The following METTL24 variants were observed in gnomAD, a reference collection of about 807,000 sequenced individuals.
METTL24 encodes probable methyltransferase-like protein 24.
A neutral mutation model predicts 32.7 loss-of-function variants in METTL24; 29 were observed. The observed-to-expected ratio is 0.89, with a 90% CI of 0.66 to 1.21. The LOEUF (loss-of-function observed/expected upper bound fraction) is 1.21, where lower values mean the gene tolerates loss of function less well. Among genes scored for constraint, METTL24 ranks in the 50% most tolerant of loss-of-function variants. The pLI is 0.00. For missense variants in METTL24, 439 were observed against 468.1 expected, an observed-to-expected ratio of 0.94 and a Z score of 0.57; for synonymous variants, 163 against 179.5, an observed-to-expected ratio of 0.91 and a Z score of 0.73.
chr6:110,322,879 G>A lies in METTL24; in HGVS notation c.319-7C>T, dbSNP rs1192656385. On this transcript the variant is annotated splice_region_variant and splice_polypyrimidine_tract_variant and intron_variant, in intron 1 of 4. Transcript: ENST00000338882. ...CTATATGCCACCGGGGACCCTGCAA[G>A]AGACAGAAAACATAGGTTGTGTGTA... is the stretch of plus-strand genomic sequence containing the variant. 6.2e-7 allele frequency: 1 copy of A among 1,601,726 alleles called. No homozygotes were observed. Among genetic ancestry groups the A allele is most frequent in the East Asian group, 2.3e-5 (1 of 44,420 alleles).
At position 110,315,405 on chromosome 6, in the gene METTL24, A is replaced by G. The variant is rs1464662415; in HGVS notation, c.494T>C (p.Leu165Pro). ...SPTHKPWSVC[L>P]DDRFNLAHQI... ...ATGAGCTAAATTGAACCTGTCGTCA[A>G]GACACACTGACCAGGGCTTGTGTGT... Residue 165 changes from leucine (L) to proline (P), a missense_variant, in exon 3 of 5, where the codon CTT becomes CCT. Leu to Pro is a moderately conservative substitution (Grantham distance 98). Coordinates refer to ENST00000338882, the MANE Select transcript of METTL24 (RefSeq NM_001123364.3). 1 of 1,614,102 alleles carries G rather than the reference A, an allele frequency of 6.2e-7. No individual in the cohort carries two copies. The highest frequency in any genetic ancestry group is 8.5e-7 in the Non-Finnish European group (1 of 1,180,036).
chr6:110,287,686 G>C (rs1431197012), intron 4 of METTL24, among the ~76,000 whole-genome samples: 3 of 152,200 alleles, frequency 2.0e-5, no homozygotes, highest in Non-Finnish European at 4.4e-5. Flanking sequence ...TGTGCCCAAA[G>C]ATAAGGTATT....
intron 1 of METTL24, among the ~76,000 whole-genome samples, chr6:110,340,062 T>C (rs550946072): frequency 6.6e-6 from 1 of 152,318 alleles, no homozygotes; most frequent in African/African-American, 2.4e-5. Context: ...AACAGGCACT[T>C]ATTTACAAAT....
At chr6:110,357,822 G>A (rs1172371605) in intron 1 of METTL24, 133 bp downstream of exon 1, 1 of 309,576 alleles carries the variant, frequency 3.2e-6, no homozygotes, top group Non-Finnish European at 5.3e-6. Flanking sequence ...AGAGAGCACA[G>A]GGGGAAGAGA....
chr6:110,255,892 T>C (rs1321977817), intron 4 of METTL24, among the ~76,000 whole-genome samples: 2 of 151,876 alleles, frequency 1.3e-5, no homozygotes, highest in Admixed American at 1.3e-4. Flanking sequence ...CAGAGCATGC[T>C]GGAGCCAGTA....
intron 4 of METTL24, among the ~76,000 whole-genome samples, chr6:110,281,747 A>G (rs1342500050): frequency 6.6e-6 from 1 of 150,994 alleles, no homozygotes; most frequent in Non-Finnish European, 1.5e-5. Context: ...TATCCAGTAT[A>G]TTCCTGAGCA....
chr6:110,295,794 A>AAAGGAAGGAAGGACGGAAGG, intron 4 of METTL24, among the ~76,000 whole-genome samples: 1 of 136,322 alleles, frequency 7.3e-6, no homozygotes, highest in African/African-American at 3.0e-5. Context: ...AGAAAGAAAG[A>AAAGGAAGGAAGGACGGAAGG]AAGGAAGGAA....
chr6:110,271,719 T>G (rs1054202984), intron 4 of METTL24, among the ~76,000 whole-genome samples: 3 of 152,226 alleles, frequency 2.0e-5, no homozygotes, highest in African/African-American at 7.2e-5. Context: ...AAACCCACAT[T>G]TAAATGCAAT....
chr6:110,274,284 G>T (rs372102278), intron 4 of METTL24, among the ~76,000 whole-genome samples: 1 of 152,130 alleles, frequency 6.6e-6, no homozygotes, highest in Non-Finnish European at 1.5e-5. Flanking sequence ...GTAGAGACAG[G>T]GTTTCACCAT....
At chr6:110,291,748 T>A (rs1771324892) in intron 4 of METTL24, among the ~76,000 whole-genome samples, 1 of 152,168 alleles carries the variant, frequency 6.6e-6, no homozygotes, top group South Asian at 2.1e-4. Flanking sequence ...TATGGGTCCA[T>A]ATGTTCTCAG....
At chr6:110,281,642 CTG>C (rs1042999263) in intron 4 of METTL24, among the ~76,000 whole-genome samples, 6 of 148,760 alleles carry the variant, frequency 4.0e-5, no homozygotes, top group African/African-American at 1.5e-4. Context: ...GAGTGAGACT[CTG>C]TCTCAAAAAA....
intron 4 of METTL24, chr6:110,253,796 C>T (rs1162583821): frequency 2.0e-5 from 20 of 1,012,208 alleles, no homozygotes; most frequent in Non-Finnish European, 2.5e-5. Flanking sequence ...TGAAATTATC[C>T]TATGTTTTCA....
intron 4 of METTL24, among the ~76,000 whole-genome samples, chr6:110,295,321 A>C (rs1771393810): frequency 6.6e-6 from 1 of 152,160 alleles, no homozygotes; most frequent in Non-Finnish European, 1.5e-5. Context: ...CCACACAACA[A>C]AACTGATGTT....
In METTL24 at chr6:110,245,060, C is replaced by G. The variant is rs1778127777; in HGVS notation, c.*886G>C. On this transcript the variant is annotated 3_prime_UTR_variant, in exon 5 of 5. Coordinates refer to ENST00000338882, the MANE Select transcript of METTL24 (RefSeq NM_001123364.3). Reference sequence around the variant, plus strand: ...TGGTTAATTTTATGTGTCAACTTAACTGGACTAAAGGGTGTCCAGATCTTT... The same window carrying G: ...TGGTTAATTTTATGTGTCAACTTAAGTGGACTAAAGGGTGTCCAGATCTTT... 6.6e-6 allele frequency among the ~76,000 whole-genome samples: 1 copy of G among 152,086 alleles called. No homozygotes were observed. The highest frequency in any genetic ancestry group is 1.5e-5 in the Non-Finnish European group (1 of 68,022).
intron 1 of METTL24, among the ~76,000 whole-genome samples, chr6:110,340,356 C>A (rs1772330648): frequency 6.6e-6 from 1 of 152,194 alleles, no homozygotes; most frequent in Non-Finnish European, 1.5e-5. Context: ...GCCCATCACA[C>A]TGGGGCAGCT....
chr6:110,272,179 C>T (rs1171408526), intron 4 of METTL24, among the ~76,000 whole-genome samples: 1 of 152,146 alleles, frequency 6.6e-6, no homozygotes, highest in Non-Finnish European at 1.5e-5. Flanking sequence ...TATGCTTTTG[C>T]ATCCTCATAG....
At chr6:110,312,171 A>C (rs1458971527) in intron 3 of METTL24, among the ~76,000 whole-genome samples, 1 of 152,230 alleles carries the variant, frequency 6.6e-6, no homozygotes, top group Non-Finnish European at 1.5e-5. Context: ...TCCCAGTTAG[A>C]ATGGCTATTA....
chr6:110,257,017 T>A (rs185511196), intron 4 of METTL24, among the ~76,000 whole-genome samples: 55 of 152,278 alleles, frequency 3.6e-4, no homozygotes, highest in African/African-American at 1.3e-3. Context: ...CATCAAGAAA[T>A]TTGCATTGTT....
chr6:110,255,856 CTT>C (rs1778372441), intron 4 of METTL24, among the ~76,000 whole-genome samples: 1 of 151,946 alleles, frequency 6.6e-6, no homozygotes, highest in Non-Finnish European at 1.5e-5. Flanking sequence ...AATCTTTGCC[CTT>C]AGATGGTGGG....
Sources: gnomAD v4.1 joint callset for allele counts (sites outside exome capture counted in the v4.1 genomes callset) on GRCh38, gnomAD v4.1.1 for gene constraint, MANE v1.5 for transcripts, NCBI Gene and HGNC (gene_info 2026-07-23, HGNC 2026-07-21) for gene names.